AMPD3: variants seen among roughly 807,000 people sequenced by gnomAD.
AMPD3 encodes adenosine monophosphate deaminase 3, also known as AMP deaminase 3.
In AMPD3, 57 loss-of-function variants were observed where a neutral mutation model predicts 82.3. The ratio of observed to expected loss-of-function variants is 0.69; its 90% CI spans 0.56 to 0.86. AMPD3 has a LOEUF of 0.86. AMPD3 is among the 40% of genes least tolerant of loss of function. The pLI, the probability that AMPD3 is intolerant of heterozygous loss-of-function variation, is 0.00. For synonymous variants in AMPD3, 381 were observed against 394.7 expected, an observed-to-expected ratio of 0.97 and a Z score of 0.41; for missense variants, 870 against 1,003.8, an observed-to-expected ratio of 0.87 and a Z score of 1.80.
chr11:10,457,515 A>G (rs1848133130), intron 1 of AMPD3, among the ~76,000 whole-genome samples: 1 of 152,110 alleles, frequency 6.6e-6, no homozygotes, highest in Non-Finnish European at 1.5e-5. Context: ...CCAGTTTGGG[A>G]AAGGTTGATT....
Position 10,505,902 on chromosome 11 carries a change from C to T in AMPD3, c.*18C>T, listed in dbSNP as rs757521663. ...CCAACTAGGTCCAGCATTTGACATG[C>T]ATTTTAACTTTTTGGTTCAATTTCA... is the stretch of plus-strand genomic sequence containing the variant. On this transcript the variant is annotated 3_prime_UTR_variant, in exon 15 of 15. Transcript: ENST00000396553. 6.2e-7 allele frequency: 1 copy of T among 1,613,836 alleles called. No individual in the cohort carries two copies. Among genetic ancestry groups the T allele is most frequent in the South Asian group, 1.1e-5 (1 of 91,086 alleles).
At chr11:10,451,763 C>A (rs780186765), upstream of AMPD3, among the ~76,000 whole-genome samples, 14 of 152,206 alleles carry the variant, frequency 9.2e-5, no homozygotes, top group Non-Finnish European at 2.1e-4. Flanking sequence ...TGGTCTTGAG[C>A]CCCTGTTGGC....
At chr11:10,473,681 A>G (rs1848657278) in intron 2 of AMPD3, 1 of 824,084 alleles carries the variant, frequency 1.2e-6, no homozygotes, top group Non-Finnish European at 1.5e-6. Context: ...TATAGTGCCC[A>G]TCGTGCAGCA....
At chr11:10,495,475 C>T in intron 8 of AMPD3, 95 bp from the exon 9 acceptor site, 1 of 1,601,994 alleles carries the variant, frequency 6.2e-7, no homozygotes, top group Non-Finnish European at 8.5e-7. Flanking sequence ...AGCAAGGTGG[C>T]TGGGGGAGCA....
At chr11:10,462,268 G>C (rs1314014973) in intron 2 of AMPD3, among the ~76,000 whole-genome samples, 1 of 152,314 alleles carries the variant, frequency 6.6e-6, no homozygotes, top group South Asian at 2.1e-4. Context: ...TGAAGTATTA[G>C]AATTTTAATG....
At chr11:10,462,958 T>C (rs1848315377) in intron 2 of AMPD3, among the ~76,000 whole-genome samples, 1 of 152,144 alleles carries the variant, frequency 6.6e-6, no homozygotes, top group Admixed American at 6.5e-5. Flanking sequence ...GCTGGAGGAC[T>C]TGTGGGGCCC....
chr11:10,495,287 T>C, intron 8 of AMPD3: 1 of 985,384 alleles, frequency 1.0e-6, no homozygotes, highest in Non-Finnish European at 1.2e-6. Flanking sequence ...CTGGCTTTCG[T>C]GTCTCTGCAG....
At chr11:10,462,921 G>C (rs1333656520) in intron 2 of AMPD3, among the ~76,000 whole-genome samples, 1 of 152,204 alleles carries the variant, frequency 6.6e-6, no homozygotes, top group Non-Finnish European at 1.5e-5. Context: ...TTAGAGGTCT[G>C]TTAAAGGAAG....
chr11:10,473,269 C>A, intron 2 of AMPD3: 1 of 643,918 alleles, frequency 1.6e-6, no homozygotes, highest in Non-Finnish European at 1.9e-6. Context: ...GACCCTGTGT[C>A]AAAAAAAAGT....
In AMPD3 at chr11:10,476,973, C is replaced by G. The variant is rs114204489; in HGVS notation, c.222-1553C>G. 2.2e-3 allele frequency: 2,119 copies of G among 985,450 alleles called. 38 individuals carry two copies. In the African/African-American group the frequency reaches 0.033, roughly 16 times the overall value. The allele number at this position is 985,450 out of a possible 1,614,324, so 61.0% of individuals were successfully genotyped here. A position where few individuals can be genotyped will look rare whatever the true frequency, so the allele number is the denominator to read the frequency against. On this transcript the variant is annotated intron_variant, in intron 2 of 14. Transcript: ENST00000396553. ...GTAAATTCCTGAAAAGGAGCCACCTCTGTCTTGCAGGTTAAAATAGCCTTG... is the reference window on the plus strand; with the variant it reads ...GTAAATTCCTGAAAAGGAGCCACCTGTGTCTTGCAGGTTAAAATAGCCTTG...
At chr11:10,478,048 A>T in intron 2 of AMPD3, 2 of 985,354 alleles carry the variant, frequency 2.0e-6, no homozygotes, top group Non-Finnish European at 2.4e-6. Flanking sequence ...TGTGAAATGC[A>T]GTGTGATTGT....
intron 11 of AMPD3, chr11:10,501,202 T>A: frequency 1.0e-6 from 1 of 985,344 alleles, no homozygotes; most frequent in African/African-American, 1.7e-5. Flanking sequence ...AGGAGAGGAA[T>A]TCAGGAGAGT....
intron 4 of AMPD3, among the ~76,000 whole-genome samples, chr11:10,483,231 T>C (rs1370057602): frequency 1.3e-5 from 2 of 152,118 alleles, no homozygotes; most frequent in Non-Finnish European, 2.9e-5. Context: ...AGCCTTGCCA[T>C]GAAGAACCTA....
chr11:10,484,913 TC>T lies in AMPD3; in HGVS notation c.685del (p.Leu229SerfsTer30). The T allele has an allele frequency of 6.2e-7, 1 of 1,614,036 alleles. No homozygotes were observed. The highest frequency in any genetic ancestry group is 2.2e-5 in the East Asian group (1 of 44,870). ...LDYLVHMQGG[I>X]LFVYDNKKML... ...TACTTGGTCCACATGCAGGGGGGCA[TC>T]CTCTTTGTGTATGATAACAAGAAGA... On this transcript the variant is annotated frameshift_variant, in exon 5 of 15. Transcript: ENST00000396553. LOFTEE classifies it high-confidence loss of function.
rs1171857652 is a variant in AMPD3, at chr11:10,484,936, A to G, written c.706A>G (p.Lys236Glu). The change falls in exon 5 of 15, where the codon AAG becomes GAG. Residue 236 changes from lysine to glutamate, a missense_variant. Physicochemically the swap from Lys to Glu is moderately conservative, Grantham distance 56. Coordinates refer to ENST00000396553, the MANE Select transcript of AMPD3 (RefSeq NM_001025389.2). ...CATCCTCTTTGTGTATGATAACAAG[A>G]AGATGCTGGAGCACCAGGAGCCGCA... ...GGILFVYDNKKMLEHQEPHSL... is the reference protein window; with the variant it reads ...GGILFVYDNKEMLEHQEPHSL... The G allele has an allele frequency of 1.2e-6, 2 of 1,614,090 alleles. No homozygotes were observed. Among genetic ancestry groups the G allele is most frequent in the Non-Finnish European group, 1.7e-6 (2 of 1,180,004 alleles).
chr11:10,457,615 C>T (rs1478675856), intron 1 of AMPD3, among the ~76,000 whole-genome samples: 2 of 152,124 alleles, frequency 1.3e-5, no homozygotes, highest in African/African-American at 2.4e-5. Flanking sequence ...ATGCTTTGTG[C>T]GCTGGTATGA....
At chr11:10,460,067 A>ATATATAATATATATTT (rs1302731263) in intron 1 of AMPD3, among the ~76,000 whole-genome samples, 2 of 120,600 alleles carry the variant, frequency 1.7e-5, no homozygotes, top group African/African-American at 6.5e-5. Flanking sequence ...AATATATATT[A>ATATATAATATATATTT]TATATAATAT....
chr11:10,487,381 T>C lies in AMPD3; in HGVS notation c.939+17T>C, dbSNP rs765075701. On this transcript the variant is annotated intron_variant, in intron 6 of 14. Transcript: ENST00000396553. Reference sequence around the variant, plus strand: ...GTGAGAAAGGTGCGTTAGGGGCGAGTGTTCACAGCTGCCTCACCCGGTCCC... The same window carrying C: ...GTGAGAAAGGTGCGTTAGGGGCGAGCGTTCACAGCTGCCTCACCCGGTCCC... 1 of 1,613,332 alleles carries C rather than the reference T, an allele frequency of 6.2e-7. No individual in the cohort carries two copies.
chr11:10,466,447 C>A (rs1231501527), intron 2 of AMPD3, among the ~76,000 whole-genome samples: 1 of 152,094 alleles, frequency 6.6e-6, no homozygotes, highest in African/African-American at 2.4e-5. Context: ...AGGTGGAACC[C>A]ACCGCAGCTC....
Sources: allele counts gnomAD v4.1 joint callset (sites outside exome capture counted in the v4.1 genomes callset), GRCh38; gene constraint gnomAD v4.1.1; transcripts MANE v1.5; gene names NCBI Gene and HGNC (gene_info 2026-07-23, HGNC 2026-07-21).